MARCHF6: variants seen among roughly 807,000 people sequenced by gnomAD.
MARCHF6 encodes E3 ubiquitin-protein ligase MARCHF6.
A neutral mutation model predicts 133.7 loss-of-function variants in MARCHF6; 31 were observed. The observed-to-expected ratio is 0.23, with a 90% CI of 0.17 to 0.31. The LOEUF (loss-of-function observed/expected upper bound fraction) is 0.31, where lower values mean the gene tolerates loss of function less well. Ranked by LOEUF, MARCHF6 falls within the 10% of genes least tolerant of loss-of-function variation. The probability of loss-of-function intolerance (pLI) is 1.00; values close to 1 mark genes in which losing one functional copy is unlikely to be tolerated. For missense variants in MARCHF6, 723 were observed against 1,121.6 expected, an observed-to-expected ratio of 0.64 and a Z score of 5.08; for synonymous variants, 395 against 402.5, an observed-to-expected ratio of 0.98 and a Z score of 0.22.
At chr5:10,407,764 A>T (rs1738985896) in intron 17 of MARCHF6, among the ~76,000 whole-genome samples, 1 of 152,176 alleles carries the variant, frequency 6.6e-6, no homozygotes, top group East Asian at 1.9e-4. Context: ...GACCAGCGTG[A>T]CCAACATGGA....
At chr5:10,366,907 T>G (rs1044424797) in intron 1 of MARCHF6, among the ~76,000 whole-genome samples, 1 of 152,250 alleles carries the variant, frequency 6.6e-6, no homozygotes, top group African/African-American at 2.4e-5. Context: ...TTCACTCTTA[T>G]AGCCTCCAGT....
Position 10,387,003 on chromosome 5 carries a change from A to G in MARCHF6, c.344A>G (p.Tyr115Cys). The G allele has an allele frequency of 6.2e-7, 1 of 1,613,374 alleles. No homozygotes were observed. The highest frequency in any genetic ancestry group is 8.5e-7 in the Non-Finnish European group (1 of 1,179,362). ...TGCTCTTTTTCGGTAGGCCGCATCT[A>G]CAAGTGCTTGTTTACTGGCTCCGTG... ...GVVPLTACRI[Y>C]KCLFTGSVSS... is the part of the protein sequence containing the mutation. Residue 115 changes from tyrosine (Y) to cysteine (C), a missense_variant, in exon 5 of 26, where the codon TAC becomes TGC. Physicochemically the swap from Tyr to Cys is radical, Grantham distance 194. Around this residue, in one of 4 missense-constraint regions of MARCHF6, gnomAD observed 91 missense variants for 208.8 expected, o/e 0.44. Transcript: ENST00000274140.
intron 1 of MARCHF6, 141 bp from the exon 2 acceptor site, chr5:10,377,657 C>T (rs1736872225): frequency 1.9e-6 from 1 of 532,116 alleles, no homozygotes; most frequent in South Asian, 3.2e-5. Flanking sequence ...TTAATCACAA[C>T]TTTCAGTTCT....
intron 1 of MARCHF6, among the ~76,000 whole-genome samples, chr5:10,377,133 GTAGTGCT>G (rs1200775007): frequency 6.6e-6 from 1 of 152,142 alleles, no homozygotes; most frequent in Non-Finnish European, 1.5e-5. Flanking sequence ...CTAGAGTCTT[GTAGTGCT>G]GGGCATGAGG....
At chr5:10,389,665 G>A (rs1737701113) in intron 5 of MARCHF6, among the ~76,000 whole-genome samples, 1 of 152,188 alleles carries the variant, frequency 6.6e-6, no homozygotes, top group Admixed American at 6.5e-5. Flanking sequence ...GCCTCCCAAA[G>A]TGCTGGGATT....
At chr5:10,417,500 C>T (rs937729312) in intron 22 of MARCHF6, 96 bp downstream of exon 22, 13 of 1,505,194 alleles carry the variant, frequency 8.6e-6, no homozygotes, top group South Asian at 2.3e-5. Context: ...TAATCTAGCA[C>T]TTTGGGAGGC....
intron 12 of MARCHF6, 54 bp downstream of exon 12, chr5:10,402,193 ACT>A: frequency 8.0e-7 from 1 of 1,244,440 alleles, no homozygotes; most frequent in Non-Finnish European, 1.2e-6. Context: ...ATACCAAAGA[ACT>A]CTTCATTAAT....
chr5:10,372,174 G>C (rs1736511256), intron 1 of MARCHF6, among the ~76,000 whole-genome samples: 1 of 150,572 alleles, frequency 6.6e-6, no homozygotes, highest in African/African-American at 2.4e-5. Context: ...GATGTTTTCT[G>C]CTCCATAATG....
intron 4 of MARCHF6, among the ~76,000 whole-genome samples, chr5:10,384,756 C>T (rs773167856): frequency 1.3e-5 from 2 of 152,120 alleles, no homozygotes; most frequent in South Asian, 2.1e-4. Flanking sequence ...CAAGGGGGAG[C>T]GCATATGTTA....
intron 20 of MARCHF6, among the ~76,000 whole-genome samples, chr5:10,415,231 G>A (rs1469993876): frequency 6.6e-6 from 1 of 152,156 alleles, no homozygotes; most frequent in African/African-American, 2.4e-5. Context: ...AAAAGAATAA[G>A]TAATTGGCAT....
At chr5:10,410,778 A>T (rs577083600) in intron 18 of MARCHF6, among the ~76,000 whole-genome samples, 11 of 152,146 alleles carry the variant, frequency 7.2e-5, no homozygotes, top group African/African-American at 2.6e-4. Context: ...TGAAGTACAG[A>T]TTTGGTTATA....
rs191011104 is a variant in MARCHF6, at chr5:10,398,635, C to T, written c.913+1291C>T. Among the ~76,000 whole-genome samples, 158 of 150,852 alleles carry T rather than the reference C, an allele frequency of 1.0e-3. 1 individual carries two copies. The highest frequency in any genetic ancestry group is 3.8e-3 in the African/African-American group (155 of 41,116). ...TGATCTATAGATTTAAGTCTTTACT[C>T]TTGCAGAAAAGCTTAATGCTAAATT... On this transcript the variant is annotated intron_variant, in intron 10 of 25. Transcript: ENST00000274140.
At chr5:10,357,014 A>G (rs1735513614) in intron 1 of MARCHF6, among the ~76,000 whole-genome samples, 1 of 152,220 alleles carries the variant, frequency 6.6e-6, no homozygotes, top group Admixed American at 6.5e-5. Context: ...TGGATAAATC[A>G]TTCTTACTGT....
intron 1 of MARCHF6, among the ~76,000 whole-genome samples, chr5:10,376,150 T>G (rs1019862932): frequency 2.6e-5 from 4 of 152,100 alleles, no homozygotes; most frequent in Admixed American, 6.5e-5. Context: ...GAAGCTTTGT[T>G]CTTTCACTTT....
chr5:10,405,702 T>C, intron 16 of MARCHF6, 25 bp downstream of exon 16: 1 of 1,570,642 alleles, frequency 6.4e-7, no homozygotes, highest in Non-Finnish European at 8.6e-7. Context: ...CCATTGTTTT[T>C]TTTTTTTGAA....
In MARCHF6 at chr5:10,437,123, C is replaced by G. The variant is rs940522332; in HGVS notation, c.*3439C>G. The G allele has an allele frequency of 1.3e-5, 2 of 152,240 alleles. No homozygotes were observed. Among genetic ancestry groups the G allele is most frequent in the Non-Finnish European group, 2.9e-5 (2 of 68,048 alleles). 9.4% of individuals were successfully genotyped at this position (152,240 alleles called of 1,614,324 possible). On this transcript the variant is annotated 3_prime_UTR_variant, in exon 26 of 26. Transcript: ENST00000274140. ...TATTGCGTTTGCGAATGTGCGTGAA[C>G]ACACGCACACGTGCAGGAGAATGTA...
chr5:10,433,873 C>T lies in MARCHF6; in HGVS notation c.*189C>T, dbSNP rs1202275741. 5.1e-6 allele frequency: 3 copies of T among 584,692 alleles called. No homozygotes were observed. The East Asian group carries it at 8.8e-5, about 17-fold the overall frequency. 36.2% of individuals were successfully genotyped at this position (584,692 alleles called of 1,614,324 possible). On this transcript the variant is annotated 3_prime_UTR_variant, in exon 26 of 26. Transcript: ENST00000274140. ...CTCCCTGGATCTTCTGACATTACTG[C>T]TGTCTGAGATTTGTATATGTGTAAA...
At chr5:10,389,443 C>T (rs1250046566) in intron 5 of MARCHF6, among the ~76,000 whole-genome samples, 6 of 151,928 alleles carry the variant, frequency 3.9e-5, no homozygotes, top group Non-Finnish European at 1.5e-5. Context: ...CACTCTGTAC[C>T]CATGCTGGAG....
chr5:10,415,639 C>G lies in MARCHF6; in HGVS notation c.2118C>G (p.Ile706Met). 6.2e-7 allele frequency: 1 copy of G among 1,614,066 alleles called. No individual in the cohort carries two copies. Among genetic ancestry groups the G allele is most frequent in the South Asian group, 1.1e-5 (1 of 91,078 alleles). ...VAWMPQGRRV[I>M]FQKVKEWSLM... is the part of the protein sequence containing the mutation. ...GGATGCCTCAGGGACGCAGAGTGATCTTCCAGAAGGTTAAAGAGTGGTCTC... is the reference window on the plus strand; with the variant it reads ...GGATGCCTCAGGGACGCAGAGTGATGTTCCAGAAGGTTAAAGAGTGGTCTC... The change falls in exon 21 of 26, where the codon ATC becomes ATG. Residue 706 changes from isoleucine to methionine, a missense_variant. Ile to Met is a conservative substitution (Grantham distance 10). This residue lies in a region of MARCHF6 where 492 missense variants were observed against 699.5 expected (regional missense o/e 0.70). Coordinates refer to ENST00000274140, the MANE Select transcript of MARCHF6 (RefSeq NM_005885.4).
Sources: allele counts gnomAD v4.1 joint callset (sites outside exome capture counted in the v4.1 genomes callset), GRCh38; gene constraint gnomAD v4.1.1; regional missense constraint gnomAD v4.1.1; transcripts MANE v1.5; gene names NCBI Gene and HGNC (gene_info 2026-07-23, HGNC 2026-07-21).